The following EXOC6 variants were observed in gnomAD, a reference collection of about 807,000 sequenced individuals.
EXOC6 encodes the protein exocyst complex component 6, also known as SEC15-like 1.
In EXOC6, 60 loss-of-function variants were observed where a neutral mutation model predicts 112.5. The observed-to-expected ratio is 0.53, with a 90% confidence interval of 0.43 to 0.66. EXOC6 has a LOEUF of 0.66. EXOC6 is among the 30% of genes least tolerant of loss of function. The probability of loss-of-function intolerance (pLI) is 0.00; values close to 1 mark genes in which losing one functional copy is unlikely to be tolerated. For synonymous variants in EXOC6, 295 were observed against 308.0 expected, an observed-to-expected ratio of 0.96 and a Z score of 0.44; for missense variants, 855 against 957.1, an observed-to-expected ratio of 0.89 and a Z score of 1.41.
chr10:93,048,772 A>AG (rs1564939101), intron 20 of EXOC6, among the ~76,000 whole-genome samples: 2 of 151,184 alleles, frequency 1.3e-5, no homozygotes, highest in African/African-American at 4.9e-5. Context: ...AAAAAAAAAA[A>AG]GAATTTATTA....
upstream of EXOC6, among the ~76,000 whole-genome samples, chr10:92,831,687 G>A (rs369624950): frequency 5.3e-5 from 8 of 151,876 alleles, no homozygotes; most frequent in African/African-American, 1.7e-4. Flanking sequence ...CGCCTGCCTC[G>A]GCCTCCCAAA....
chr10:92,827,835 G>A (rs1433718682), intron 1 of EXOC6, among the ~76,000 whole-genome samples: 1 of 152,068 alleles, frequency 6.6e-6, no homozygotes, highest in Non-Finnish European at 1.5e-5. Flanking sequence ...CCAATTCAAC[G>A]CTGACCTCTG....
At chr10:92,855,713 T>G (rs112855807) in intron 1 of EXOC6, among the ~76,000 whole-genome samples, 32 of 152,288 alleles carry the variant, frequency 2.1e-4, no homozygotes, top group Middle Eastern at 3.4e-3. Flanking sequence ...CTTTTTCTTA[T>G]TTTTATTTCT....
chr10:92,984,204 C>A (rs563956984), intron 18 of EXOC6, among the ~76,000 whole-genome samples: 1 of 152,292 alleles, frequency 6.6e-6, no homozygotes, highest in South Asian at 2.1e-4. Context: ...ATTCTAGCAT[C>A]ATGGCCAAAT....
chr10:92,977,308 T>C (rs971986067), intron 18 of EXOC6, among the ~76,000 whole-genome samples: 1 of 151,978 alleles, frequency 6.6e-6, no homozygotes, highest in African/African-American at 2.4e-5. Flanking sequence ...TTACTCTTTC[T>C]CCATCAGAAA....
rs72252880 is a variant in EXOC6, at chr10:92,991,725, T to TTCTC, written c.1954-5723_1954-5720dup. 6.7e-3 allele frequency among the ~76,000 whole-genome samples: 1,002 copies of TTCTC among 149,092 alleles called. 10 individuals carry two copies. Among genetic ancestry groups the TTCTC allele is most frequent in the East Asian group, 0.048 (234 of 4,920 alleles). On this transcript the variant is annotated intron_variant, in intron 18 of 21. Coordinates refer to ENST00000260762, the MANE Select transcript of EXOC6 (RefSeq NM_019053.6). ...CAACTTTAAGATGATCACGTTCTAT[T>TTCTC]TCTCTCTCTCTCTCTCTCTCTCTCT...
chr10:93,058,452 C>A lies in EXOC6; in HGVS notation c.*97C>A. 2 of 1,009,734 alleles carry A rather than the reference C, an allele frequency of 2.0e-6. No individual in the cohort carries two copies. Among genetic ancestry groups the A allele is most frequent in the South Asian group, 2.6e-5 (1 of 37,830 alleles). 62.5% of individuals were successfully genotyped at this position (1,009,734 alleles called of 1,614,324 possible). On this transcript the variant is annotated 3_prime_UTR_variant, in exon 22 of 22. Transcript: ENST00000260762. ...GATACAGTAATTTGTTTACAGAATC[C>A]AAAAATACAATAGAGAAGATACATG...
At chr10:93,056,745 A>G in intron 20 of EXOC6, among the ~76,000 whole-genome samples, 179 bp from the exon 21 acceptor site, 1 of 152,210 alleles carries the variant, frequency 6.6e-6, no homozygotes, top group South Asian at 2.1e-4. Context: ...GTAATTTCAA[A>G]GTAAAAAGAT....
intron 20 of EXOC6, among the ~76,000 whole-genome samples, chr10:93,044,773 G>T (rs1750741): frequency 0.13 from 19,683 of 152,138 alleles, 1,424 homozygotes; most frequent in African/African-American, 0.18. Context: ...TAATGAGCTT[G>T]GTTTCTTTCG....
At position 92,909,599 on chromosome 10, in the gene EXOC6, T is replaced by G; in HGVS notation, c.631T>G (p.Ser211Ala). 1 of 1,611,430 alleles carries G rather than the reference T, an allele frequency of 6.2e-7. No individual in the cohort carries two copies. The highest frequency in any genetic ancestry group is 8.5e-7 in the Non-Finnish European group (1 of 1,178,368). The part of the protein sequence containing the change: ...KDFLESIRKH[S>A]DKIGETAMKQ... ...CTTTTTGGAAAGTATTCGAAAACAT[T>G]CTGACAAAATAGGTGAAACAGCAAT... The change falls in exon 6 of 22, where the codon TCT (serine) becomes GCT (alanine). Residue 211 changes from serine (S) to alanine (A), a missense_variant. Physicochemically the swap from Ser to Ala is moderately conservative, Grantham distance 99 (BLOSUM62 1). Around this residue, in one of 2 missense-constraint regions of EXOC6, gnomAD observed 405 missense variants for 393.6 expected, o/e 1.03. Coordinates refer to ENST00000260762, the MANE Select transcript of EXOC6 (RefSeq NM_019053.6).
At chr10:92,975,495 C>T (rs188270820) in intron 18 of EXOC6, among the ~76,000 whole-genome samples, 2,127 of 149,160 alleles carry the variant, frequency 0.014, 68 homozygotes, top group African/African-American at 0.051. Context: ...AGCCCCCCGC[C>T]CACCCAGCCG....
intron 1 of EXOC6, among the ~76,000 whole-genome samples, chr10:92,841,145 T>G (rs1170819222): frequency 6.6e-6 from 1 of 152,216 alleles, no homozygotes; most frequent in East Asian, 1.9e-4. Context: ...GTGCAGTAGA[T>G]CACCAAAGCT....
intron 12 of EXOC6, among the ~76,000 whole-genome samples, chr10:92,937,855 CAAAGTGTGGTCTGTGGACCACT>C (rs1852438463): frequency 6.6e-6 from 1 of 152,144 alleles, no homozygotes; most frequent in African/African-American, 2.4e-5. Context: ...CACTTCTTCT[CAAAGTGTGGTCTGTGGACCACT>C]GGTCTGCAAA....
chr10:92,873,560 T>C (rs1848549363), intron 1 of EXOC6, among the ~76,000 whole-genome samples: 1 of 152,154 alleles, frequency 6.6e-6, no homozygotes, highest in Admixed American at 6.5e-5. Context: ...AGAAACATAT[T>C]AAAGTATATC....
chr10:93,009,298 A>G (rs1334319761), intron 19 of EXOC6, among the ~76,000 whole-genome samples: 4 of 152,236 alleles, frequency 2.6e-5, no homozygotes, highest in Non-Finnish European at 5.9e-5. Flanking sequence ...GGACAGCACC[A>G]TTCTAAATCT....
At chr10:92,947,432 C>T (rs1292703270) in intron 13 of EXOC6, among the ~76,000 whole-genome samples, 1 of 152,162 alleles carries the variant, frequency 6.6e-6, no homozygotes, top group Non-Finnish European at 1.5e-5. Flanking sequence ...TACAGAAGAG[C>T]ACATGGATAT....
At chr10:93,035,050 A>T (rs747334509) in intron 20 of EXOC6, among the ~76,000 whole-genome samples, 4 of 152,252 alleles carry the variant, frequency 2.6e-5, no homozygotes, top group Non-Finnish European at 5.9e-5. Context: ...TTAAAGGAAG[A>T]TACATTTGGG....
At chr10:92,924,020 A>G (rs1437185417) in intron 8 of EXOC6, among the ~76,000 whole-genome samples, 1 of 152,128 alleles carries the variant, frequency 6.6e-6, no homozygotes, top group Non-Finnish European at 1.5e-5. Flanking sequence ...AGGGTAAATC[A>G]TATTAGGAAC....
chr10:93,049,430 A>G (rs11187260), intron 20 of EXOC6, among the ~76,000 whole-genome samples: 19,673 of 152,158 alleles, frequency 0.13, 1,416 homozygotes, highest in African/African-American at 0.18. Context: ...AACAAGGTGT[A>G]GTACATCCAT....
Sources: allele counts gnomAD v4.1 joint callset (sites outside exome capture counted in the v4.1 genomes callset), GRCh38; gene constraint gnomAD v4.1.1; regional missense constraint gnomAD v4.1.1; transcripts MANE v1.5; gene names NCBI Gene and HGNC (gene_info 2026-07-23, HGNC 2026-07-21).